The following ZNF385D variants were observed in gnomAD, a reference collection of about 807,000 sequenced individuals.
The protein encoded by ZNF385D is zinc finger protein 659.
In ZNF385D, 15 loss-of-function variants were observed where a neutral mutation model predicts 35.8. The ratio of observed to expected loss-of-function variants is 0.42; its 90% CI spans 0.28 to 0.64. The LOEUF is 0.64. ZNF385D is among the 30% of genes least tolerant of loss of function. The probability of loss-of-function intolerance (pLI) is 0.23; values close to 1 mark genes in which losing one functional copy is unlikely to be tolerated. For missense variants in ZNF385D, 474 were observed against 494.6 expected, an observed-to-expected ratio of 0.96 and a Z score of 0.39; for synonymous variants, 212 against 186.8, an observed-to-expected ratio of 1.13 and a Z score of -1.10.
chr3:21,724,477 C>CCAAAAAAAAA (rs2068670605), intron 1 of ZNF385D, among the ~76,000 whole-genome samples: 1 of 52,016 alleles, frequency 1.9e-5, no homozygotes, highest in African/African-American at 1.6e-4. Context: ...AATGGAAAGC[C>CCAAAAAAAAA]AAAAAAAAAA....
Position 22,061,111 on chromosome 3 carries a change from C to T in ZNF385D, c.325+107706G>A, listed in dbSNP as rs974383793. 5.3e-5 allele frequency among the ~76,000 whole-genome samples: 8 copies of T among 151,736 alleles called. No homozygotes were observed. The East Asian group carries it at 1.2e-3, about 22-fold the overall frequency. On this transcript the variant is annotated intron_variant, in intron 3 of 5. Transcript: ENST00000494108. ...ACAGGGAGAATGTTAATTTAATCACCTGATTAATTAAATTAAATTAAATTA... is the reference window on the plus strand; with the variant it reads ...ACAGGGAGAATGTTAATTTAATCACTTGATTAATTAAATTAAATTAAATTA...
At chr3:22,256,657 T>C (rs574501361) in intron 2 of ZNF385D, among the ~76,000 whole-genome samples, 91 of 152,048 alleles carry the variant, frequency 6.0e-4, no homozygotes, top group African/African-American at 2.1e-3. Context: ...GCAGCAGTTA[T>C]CATAACAAAT....
chr3:22,261,582 G>A (rs1700635004), intron 2 of ZNF385D, among the ~76,000 whole-genome samples: 1 of 151,902 alleles, frequency 6.6e-6, no homozygotes, highest in Admixed American at 6.6e-5. Flanking sequence ...TGGAAACCTA[G>A]CCTTATGGTC....
chr3:22,195,462 T>C (rs1451414839), intron 2 of ZNF385D, among the ~76,000 whole-genome samples: 1 of 152,014 alleles, frequency 6.6e-6, no homozygotes, highest in African/African-American at 2.4e-5. Flanking sequence ...TTCTTTAATA[T>C]ACTATGCTTT....
At chr3:21,812,392 C>T (rs544956134) in intron 3 of ZNF385D, among the ~76,000 whole-genome samples, 5 of 152,326 alleles carry the variant, frequency 3.3e-5, no homozygotes, top group African/African-American at 9.6e-5. Context: ...TGAAGCAGGG[C>T]GGGGCACCGC....
At chr3:21,652,283 T>C (rs2065938114) in intron 2 of ZNF385D, among the ~76,000 whole-genome samples, 1 of 152,132 alleles carries the variant, frequency 6.6e-6, no homozygotes, top group Non-Finnish European at 1.5e-5. Context: ...ACTATAAGGC[T>C]TTTGAACAAG....
chr3:22,039,447 T>C (rs942169321), intron 3 of ZNF385D, among the ~76,000 whole-genome samples: 6 of 152,218 alleles, frequency 3.9e-5, no homozygotes, highest in South Asian at 2.1e-4. Context: ...AGTGCCCTTA[T>C]CTTCCTGTCT....
intron 3 of ZNF385D, among the ~76,000 whole-genome samples, chr3:21,913,085 G>C (rs1049613531): frequency 4.6e-5 from 7 of 152,080 alleles, no homozygotes; most frequent in African/African-American, 1.7e-4. Context: ...TTATTCTGAA[G>C]AGTGATTTAC....
chr3:21,994,815 T>C (rs1358917977), intron 3 of ZNF385D, among the ~76,000 whole-genome samples: 1 of 152,226 alleles, frequency 6.6e-6, no homozygotes, highest in Non-Finnish European at 1.5e-5. Context: ...TATGCATCAA[T>C]AGTGTCTATG....
At chr3:22,342,593 A>G (rs1695476022) in intron 2 of ZNF385D, among the ~76,000 whole-genome samples, 1 of 152,224 alleles carries the variant, frequency 6.6e-6, no homozygotes, top group Admixed American at 6.5e-5. Flanking sequence ...ATCTCTGCAG[A>G]AGGTTAGAGT....
At chr3:22,251,259 C>G (rs1198523040) in intron 2 of ZNF385D, among the ~76,000 whole-genome samples, 1 of 152,116 alleles carries the variant, frequency 6.6e-6, no homozygotes, top group Non-Finnish European at 1.5e-5. Context: ...ACATAGGTGT[C>G]TACTGTAACT....
At chr3:21,850,552 C>T (rs886757458) in intron 3 of ZNF385D, among the ~76,000 whole-genome samples, 1 of 152,128 alleles carries the variant, frequency 6.6e-6, no homozygotes, top group East Asian at 1.9e-4. Flanking sequence ...TTTCCTTGAG[C>T]ATTTGGCTGA....
At chr3:22,194,846 G>C (rs963396403) in intron 2 of ZNF385D, among the ~76,000 whole-genome samples, 1 of 151,756 alleles carries the variant, frequency 6.6e-6, no homozygotes, top group Non-Finnish European at 1.5e-5. Flanking sequence ...TTGTTACTGA[G>C]AATTTCTCCA....
intron 4 of ZNF385D, among the ~76,000 whole-genome samples, chr3:21,446,963 TAG>T (rs1321850436): frequency 6.6e-6 from 1 of 152,188 alleles, no homozygotes; most frequent in Non-Finnish European, 1.5e-5. Context: ...CTCCCTAAAT[TAG>T]AGTTTGTATA....
chr3:21,770,189 T>C (rs943989440), intron 3 of ZNF385D, among the ~76,000 whole-genome samples: 2 of 152,168 alleles, frequency 1.3e-5, no homozygotes, highest in Non-Finnish European at 1.5e-5. Flanking sequence ...AAGGACTTCA[T>C]GTCTAAAACA....
intron 3 of ZNF385D, among the ~76,000 whole-genome samples, chr3:21,905,233 A>G (rs552767436): frequency 6.8e-6 from 1 of 146,230 alleles, no homozygotes; most frequent in Admixed American, 6.8e-5. Flanking sequence ...AAAAAACCCT[A>G]AACCTGCCTT....
At chr3:21,929,143 T>C (rs1213742782) in intron 3 of ZNF385D, among the ~76,000 whole-genome samples, 1 of 152,134 alleles carries the variant, frequency 6.6e-6, no homozygotes, top group Non-Finnish European at 1.5e-5. Flanking sequence ...AAATTGGATA[T>C]AGTGTTGGAA....
intron 2 of ZNF385D, among the ~76,000 whole-genome samples, chr3:22,232,621 G>A (rs1488412742): frequency 3.9e-5 from 6 of 152,064 alleles, no homozygotes; most frequent in African/African-American, 1.2e-4. Flanking sequence ...TCCCACTTAC[G>A]AGTGAGAACA....
At chr3:21,546,896 GC>G (rs1489598343) in intron 3 of ZNF385D, among the ~76,000 whole-genome samples, 3 of 151,704 alleles carry the variant, frequency 2.0e-5, no homozygotes, top group Admixed American at 2.0e-4. Context: ...TGCCAAAGTC[GC>G]TGGAGCTCGT....
Sources: gnomAD v4.1 joint callset for allele counts (sites outside exome capture counted in the v4.1 genomes callset) on GRCh38, gnomAD v4.1.1 for gene constraint, MANE v1.5 for transcripts, NCBI Gene and HGNC (gene_info 2026-07-23, HGNC 2026-07-21) for gene names.